SVIL: variants seen among roughly 807,000 people sequenced by gnomAD.
The protein encoded by SVIL is archvillin.
SVIL carries 101 observed loss-of-function variants against 240.4 expected under a neutral mutation model. The observed-to-expected ratio is 0.42, with a 90% CI of 0.36 to 0.50. The LOEUF (loss-of-function observed/expected upper bound fraction) is 0.50. SVIL is among the 20% of genes least tolerant of loss of function. SVIL has a pLI of 0.01. For missense variants in SVIL, 2,512 were observed against 2,818.7 expected (o/e 0.89, Z 2.46); for synonymous variants, 999 against 1,100.0 (o/e 0.91, Z 1.82).
intron 18 of SVIL, 115 bp downstream of exon 18, chr10:29,499,001 C>T: frequency 7.7e-6 from 11 of 1,419,648 alleles, no homozygotes; most frequent in Non-Finnish European, 1.0e-5. Flanking sequence ...CTTAAAAAGA[C>T]CATGGTTTCT....
At chr10:29,610,836 G>A (rs967778152) in intron 1 of SVIL, among the ~76,000 whole-genome samples, 3 of 152,060 alleles carry the variant, frequency 2.0e-5, no homozygotes, top group African/African-American at 2.4e-5. Context: ...TCAGCCCCTG[G>A]CTCCTCATTT....
intron 3 of SVIL, among the ~76,000 whole-genome samples, chr10:29,562,085 G>A (rs1193266370): frequency 6.6e-6 from 1 of 152,052 alleles, no homozygotes; most frequent in Non-Finnish European, 1.5e-5. Context: ...TACGTTTTTT[G>A]TTCTAATTTC....
intron 1 of SVIL, among the ~76,000 whole-genome samples, chr10:29,607,499 A>ATT (rs35528263): frequency 3.3e-5 from 5 of 150,626 alleles, no homozygotes; most frequent in Non-Finnish European, 7.4e-5. Flanking sequence ...TTAGAACATG[A>ATT]TTTTTTTTTT....
chr10:29,474,658 C>T (rs922558622), intron 29 of SVIL, among the ~76,000 whole-genome samples: 2 of 151,456 alleles, frequency 1.3e-5, no homozygotes, highest in African/African-American at 2.4e-5. Flanking sequence ...ATTTGGTGAC[C>T]GCCAGAGCAG....
chr10:29,722,278 G>T (rs1327847609), intron 1 of SVIL, among the ~76,000 whole-genome samples: 1 of 150,234 alleles, frequency 6.7e-6, no homozygotes, highest in Non-Finnish European at 1.5e-5. Context: ...GCATCAGCAA[G>T]TACGAGTTTT....
intron 17 of SVIL, among the ~76,000 whole-genome samples, chr10:29,503,675 G>A (rs967150073): frequency 6.6e-6 from 1 of 152,200 alleles, no homozygotes; most frequent in African/African-American, 2.4e-5. Context: ...AAACAGAAAT[G>A]CCTTTGGCAA....
At chr10:29,595,536 C>A (rs1284617382) in intron 1 of SVIL, among the ~76,000 whole-genome samples, 1 of 152,140 alleles carries the variant, frequency 6.6e-6, no homozygotes, top group Middle Eastern at 3.2e-3. Flanking sequence ...GCAAAGAAGG[C>A]GAATTCCATT....
At chr10:29,555,678 A>G (rs1251646934) in intron 3 of SVIL, among the ~76,000 whole-genome samples, 1 of 152,188 alleles carries the variant, frequency 6.6e-6, no homozygotes, top group Non-Finnish European at 1.5e-5. Context: ...TTTCTCTAGG[A>G]AAGTATTTTA....
At chr10:29,530,516 C>A in intron 11 of SVIL, 91 bp downstream of exon 11, 1 of 1,443,594 alleles carries the variant, frequency 6.9e-7, no homozygotes, top group African/African-American at 1.4e-5. Flanking sequence ...AAACTCCTGG[C>A]CTCAAGTGAT....
chr10:29,588,318 T>C (rs187939724), intron 1 of SVIL, among the ~76,000 whole-genome samples: 5,557 of 146,418 alleles, frequency 0.038, 273 homozygotes, highest in African/African-American at 0.13. Context: ...AAACGTGTGC[T>C]GGTGGCAGAG....
intron 2 of SVIL, among the ~76,000 whole-genome samples, chr10:29,659,714 A>G (rs971813177): frequency 6.6e-6 from 1 of 152,218 alleles, no homozygotes; most frequent in Non-Finnish European, 1.5e-5. Flanking sequence ...GGTGGAATTC[A>G]GACAGTCATG....
chr10:29,720,747 G>C (rs886563296), intron 1 of SVIL, among the ~76,000 whole-genome samples: 5 of 152,214 alleles, frequency 3.3e-5, no homozygotes, highest in Non-Finnish European at 5.9e-5. Flanking sequence ...CAAAGGCCAA[G>C]ATGGAAGTAT....
At chr10:29,526,207 G>A (rs1950891719) in intron 13 of SVIL, among the ~76,000 whole-genome samples, 1 of 151,614 alleles carries the variant, frequency 6.6e-6, no homozygotes, top group East Asian at 1.9e-4. Flanking sequence ...GTCTGTATTT[G>A]TGTCTACAGG....
Position 29,522,449 on chromosome 10 carries a change from A to G in SVIL, c.3350T>C (p.Leu1117Pro). Residue 1117 changes from leucine to proline, a missense_variant, in exon 16 of 38, where the codon CTT becomes CCT. Coordinates refer to ENST00000355867, the MANE Select transcript of SVIL (RefSeq NM_021738.3). ...CATGGTTTTGCTGGGTGAGTCAAGAAGGCCCTCCCCTGTCGGCGTTTTGAT... is the reference window on the plus strand; with the variant it reads ...CATGGTTTTGCTGGGTGAGTCAAGAGGGCCCTCCCCTGTCGGCGTTTTGAT... ...GEIKTPTGEG[L>P]LDSPSKTMSI... 6.2e-7 allele frequency: 1 copy of G among 1,614,190 alleles called. No homozygotes were observed. The highest frequency in any genetic ancestry group is 2.2e-5 in the East Asian group (1 of 44,876).
intron 1 of SVIL, among the ~76,000 whole-genome samples, chr10:29,629,266 C>G (rs1027423463): frequency 6.6e-6 from 1 of 152,058 alleles, no homozygotes; most frequent in Non-Finnish European, 1.5e-5. Flanking sequence ...CCTAGAGGAA[C>G]AGAGGAGCCT....
At chr10:29,656,721 G>A (rs985836310) in intron 3 of SVIL, among the ~76,000 whole-genome samples, 42 of 152,208 alleles carry the variant, frequency 2.8e-4, no homozygotes, top group African/African-American at 9.6e-4. Context: ...TATATAGCCA[G>A]TTTTGGTCAG....
intron 6 of SVIL, among the ~76,000 whole-genome samples, chr10:29,542,857 C>G (rs1445463975): frequency 2.0e-5 from 3 of 152,168 alleles, no homozygotes; most frequent in Admixed American, 2.0e-4. Flanking sequence ...CTGTGGGACT[C>G]CTCATTTGGC....
intron 1 of SVIL, among the ~76,000 whole-genome samples, chr10:29,621,034 C>T (rs1160530782): frequency 1.3e-5 from 2 of 149,878 alleles, no homozygotes; most frequent in East Asian, 2.0e-4. Context: ...GAACTCTTGG[C>T]CTCAAGCAAT....
Position 29,486,187 on chromosome 10 carries a change from T to G in SVIL, c.4677A>C (p.Ile1559=), listed in dbSNP as rs1947379877. ...GACGGTAAATGCAGTTAGTTTCTAT[T>G]ATGGCTGCTTCATAGAGTTCATCTT... The part of the protein sequence containing the change: ...PKEDELYEAA[I]IETNCIYRLM... Residue 1559 remains isoleucine (I), a synonymous_variant, in exon 26 of 38, where the codon ATA becomes ATC. Transcript: ENST00000355867. 6.2e-7 allele frequency: 1 copy of G among 1,614,104 alleles called. No homozygotes were observed.
Sources: allele counts gnomAD v4.1 joint callset (sites outside exome capture counted in the v4.1 genomes callset), GRCh38; gene constraint gnomAD v4.1.1; transcripts MANE v1.5; gene names NCBI Gene and HGNC (gene_info 2026-07-23, HGNC 2026-07-21).